The following PACRG variants were observed in gnomAD, a reference collection of about 807,000 sequenced individuals.
The protein encoded by PACRG is parkin coregulated gene protein.
In PACRG, 29 loss-of-function variants were observed where a neutral mutation model predicts 29.7. The ratio of observed to expected loss-of-function variants is 0.98; its 90% CI spans 0.73 to 1.33. The LOEUF is 1.33. Ranked by LOEUF, PACRG falls within the 40% of genes most tolerant of loss-of-function variation. The pLI, the probability that PACRG is intolerant of heterozygous loss-of-function variation, is 0.00. For missense variants in PACRG, 279 were observed against 316.2 expected (o/e 0.88, Z 0.89); for synonymous variants, 116 against 118.7 (o/e 0.98, Z 0.15).
chr6:162,934,941 G>A (rs1313746070), intron 2 of PACRG, among the ~76,000 whole-genome samples: 2 of 152,168 alleles, frequency 1.3e-5, no homozygotes, highest in African/African-American at 2.4e-5. Context: ...ATGAAGGATA[G>A]CTTTGCTGGG....
At chr6:163,064,644 AT>A (rs1481855582) in intron 3 of PACRG, among the ~76,000 whole-genome samples, 1 of 152,234 alleles carries the variant, frequency 6.6e-6, no homozygotes, top group Non-Finnish European at 1.5e-5. Flanking sequence ...TGTGAAAAAT[AT>A]TATGTGCATA....
At chr6:163,290,669 G>A (rs1232985388) in intron 4 of PACRG, among the ~76,000 whole-genome samples, 1 of 152,164 alleles carries the variant, frequency 6.6e-6, no homozygotes, top group Non-Finnish European at 1.5e-5. Flanking sequence ...AAGATTAGAT[G>A]AAATAATGCA....
intron 3 of PACRG, among the ~76,000 whole-genome samples, chr6:163,064,844 T>TC (rs1225414746): frequency 6.6e-6 from 1 of 151,900 alleles, no homozygotes; most frequent in African/African-American, 2.4e-5. Context: ...AGAAGTTTTT[T>TC]TTTTTTTAAT....
intron 2 of PACRG, among the ~76,000 whole-genome samples, chr6:162,908,425 C>T (rs1258993838): frequency 3.3e-5 from 5 of 152,216 alleles, no homozygotes; most frequent in Admixed American, 2.0e-4. Context: ...CATACAGAAG[C>T]CCAGTGGTGT....
At chr6:162,836,364 C>A (rs1008353860) in intron 2 of PACRG, among the ~76,000 whole-genome samples, 1 of 152,100 alleles carries the variant, frequency 6.6e-6, no homozygotes, top group African/African-American at 2.4e-5. Context: ...CAGAAGCCTC[C>A]TCCTCTTCGC....
At chr6:162,773,189 G>A (rs1400002580) in intron 1 of PACRG, among the ~76,000 whole-genome samples, 1 of 152,126 alleles carries the variant, frequency 6.6e-6, no homozygotes, top group East Asian at 1.9e-4. Context: ...TTGATAGCTG[G>A]CTGAGAATGA....
chr6:162,763,985 G>A (rs368132335), intron 1 of PACRG, among the ~76,000 whole-genome samples: 1 of 152,122 alleles, frequency 6.6e-6, no homozygotes, highest in South Asian at 2.1e-4. Flanking sequence ...TTTAAAATGG[G>A]GTGCTCCAGG....
intron 4 of PACRG, among the ~76,000 whole-genome samples, chr6:163,195,710 G>C (rs1174527095): frequency 6.6e-6 from 1 of 152,166 alleles, no homozygotes; most frequent in Non-Finnish European, 1.5e-5. Flanking sequence ...CCTGTGCTGC[G>C]TTCCCTGCCC....
chr6:163,311,064 T>C (rs1785395264), intron 4 of PACRG: 1 of 152,216 alleles, frequency 6.6e-6, no homozygotes, highest in Non-Finnish European at 1.5e-5. Flanking sequence ...TATTCATGCT[T>C]AAACTGCTTA....
chr6:163,221,229 T>G (rs577308477), intron 4 of PACRG, among the ~76,000 whole-genome samples: 4 of 152,216 alleles, frequency 2.6e-5, no homozygotes, highest in Non-Finnish European at 4.4e-5. Flanking sequence ...GCAGTTTTCC[T>G]AGTTATTTGT....
chr6:162,785,402 C>T (rs1275927756), intron 1 of PACRG, among the ~76,000 whole-genome samples: 1 of 152,120 alleles, frequency 6.6e-6, no homozygotes, highest in African/African-American at 2.4e-5. Context: ...CCTATACAAA[C>T]CCTTGGATCT....
intron 4 of PACRG, among the ~76,000 whole-genome samples, chr6:163,206,686 A>AG (rs1780916101): frequency 6.6e-6 from 1 of 152,204 alleles, no homozygotes; most frequent in African/African-American, 2.4e-5. Context: ...AAGTTAAAAA[A>AG]TAGAAGAAAA....
intron 2 of PACRG, among the ~76,000 whole-genome samples, chr6:162,820,959 A>C (rs1273096519): frequency 1.3e-5 from 2 of 152,036 alleles, no homozygotes; most frequent in Non-Finnish European, 2.9e-5. Context: ...CTTATTCCAG[A>C]AGTTTTGAAA....
intron 2 of PACRG, among the ~76,000 whole-genome samples, chr6:163,052,974 C>T (rs1810176224): frequency 6.6e-6 from 1 of 152,128 alleles, no homozygotes; most frequent in South Asian, 2.1e-4. Context: ...GAGCTAATAT[C>T]AATGTAATCC....
At chr6:162,984,524 A>G (rs9346943) in intron 2 of PACRG, among the ~76,000 whole-genome samples, 63,113 of 151,806 alleles carry the variant, frequency 0.42, 13,436 homozygotes, top group East Asian at 0.7. Context: ...TTTCCTTTGG[A>G]TAGATACCTA....
chr6:163,006,714 T>G (rs1459627603), intron 2 of PACRG, among the ~76,000 whole-genome samples: 1 of 152,044 alleles, frequency 6.6e-6, no homozygotes, highest in East Asian at 1.9e-4. Flanking sequence ...CGTGGTAAAT[T>G]TCTGTACTCT....
intron 4 of PACRG, among the ~76,000 whole-genome samples, chr6:163,279,854 TC>T (rs2128183379): frequency 6.6e-6 from 1 of 152,342 alleles, no homozygotes; most frequent in Admixed American, 6.5e-5. Context: ...GAGAGTCAAC[TC>T]CATGAAGATA....
chr6:162,947,347 T>TATATATAATATATATAATCATATATAA, intron 2 of PACRG, among the ~76,000 whole-genome samples: 1 of 51,056 alleles, frequency 2.0e-5, no homozygotes, highest in Non-Finnish European at 3.8e-5. Flanking sequence ...TATATAATGA[T>TATATATAATATATATAATCATATATAA]TACATATATA....
intron 3 of PACRG, among the ~76,000 whole-genome samples, chr6:163,073,830 G>T (rs1204857780): frequency 6.6e-6 from 1 of 152,170 alleles, no homozygotes; most frequent in East Asian, 1.9e-4. Flanking sequence ...CATATGAAAA[G>T]GTTCTCGACA....
Sources: gnomAD v4.1 joint callset for allele counts (sites outside exome capture counted in the v4.1 genomes callset) on GRCh38, gnomAD v4.1.1 for gene constraint, MANE v1.5 for transcripts, NCBI Gene and HGNC (gene_info 2026-07-23, HGNC 2026-07-21) for gene names.